The following RASEF variants were observed in gnomAD, a reference collection of about 807,000 sequenced individuals.
RASEF encodes the protein ras and EF-hand domain-containing protein.
A neutral mutation model predicts 90.1 loss-of-function variants in RASEF; 68 were observed. That is an observed-to-expected ratio of 0.75 (90% CI 0.62 to 0.92). The LOEUF (loss-of-function observed/expected upper bound fraction) is 0.92. RASEF is among the 40% of genes least tolerant of loss of function. The pLI, the probability that RASEF is intolerant of heterozygous loss-of-function variation, is 0.00. For missense variants in RASEF, 949 were observed against 937.2 expected, an observed-to-expected ratio of 1.01 and a Z score of -0.16; for synonymous variants, 331 against 345.2, an observed-to-expected ratio of 0.96 and a Z score of 0.46.
At chr9:83,047,230 A>G (rs911956442) in intron 1 of RASEF, among the ~76,000 whole-genome samples, 22 of 152,212 alleles carry the variant, frequency 1.4e-4, no homozygotes, top group African/African-American at 5.3e-4. Context: ...CATTTAAGGA[A>G]CAAAGCTTGA....
intron 16 of RASEF, 28 bp from the exon 17 acceptor site, chr9:82,982,810 A>C (rs775157398): frequency 2.3e-6 from 1 of 427,838 alleles, no homozygotes; most frequent in South Asian, 3.6e-5. Context: ...AGAGACAGAG[A>C]GAGAGAGAGA....
At chr9:83,134,355 T>A in the RASEF span, among the ~76,000 whole-genome samples, 1 of 151,050 alleles carries the variant, frequency 6.6e-6, no homozygotes, top group Non-Finnish European at 1.5e-5. Flanking sequence ...TCACACTGAT[T>A]GCGAACAGAT....
chr9:83,154,205 A>G, the RASEF span, among the ~76,000 whole-genome samples: 1 of 152,156 alleles, frequency 6.6e-6, no homozygotes, highest in African/African-American at 2.4e-5. Context: ...AAAAATGAGG[A>G]CAATACCTGC....
At chr9:83,102,446 G>A in the RASEF span, among the ~76,000 whole-genome samples, 44 of 152,296 alleles carry the variant, frequency 2.9e-4, no homozygotes, top group African/African-American at 5.5e-4. Context: ...TGTTGCTGCC[G>A]TACACATGTC....
intron 1 of RASEF, chr9:83,055,251 G>A (rs368016216): frequency 2.3e-5 from 7 of 305,588 alleles, no homozygotes; most frequent in Non-Finnish European, 3.8e-5. Context: ...CTTGTGGTGC[G>A]CCGTTTCTTA....
chr9:83,159,054 C>T, the RASEF span, among the ~76,000 whole-genome samples: 5 of 151,916 alleles, frequency 3.3e-5, no homozygotes, highest in Non-Finnish European at 5.9e-5. Flanking sequence ...GGCGTGGTGG[C>T]AGGTGCCTGT....
chr9:83,108,167 T>G, the RASEF span, among the ~76,000 whole-genome samples: 1 of 152,078 alleles, frequency 6.6e-6, no homozygotes, highest in African/African-American at 2.4e-5. Context: ...TTTACATGGG[T>G]GTATGTATGT....
At chr9:83,032,871 T>C (rs1320973684) in intron 1 of RASEF, among the ~76,000 whole-genome samples, 1 of 152,198 alleles carries the variant, frequency 6.6e-6, no homozygotes, top group Non-Finnish European at 1.5e-5. Flanking sequence ...ATTACATATA[T>C]ATTTATGTTT....
the RASEF span, among the ~76,000 whole-genome samples, chr9:83,107,506 T>C: frequency 3.3e-5 from 5 of 152,328 alleles, no homozygotes; most frequent in East Asian, 7.7e-4. Context: ...CTGTTTTCTA[T>C]TTCCATTTTC....
At chr9:83,206,303 C>A in the RASEF span, among the ~76,000 whole-genome samples, 1 of 152,104 alleles carries the variant, frequency 6.6e-6, no homozygotes, top group Non-Finnish European at 1.5e-5. Flanking sequence ...AGGAATTAAT[C>A]TTTGTTTTTA....
At chr9:83,186,500 C>G in the RASEF span, among the ~76,000 whole-genome samples, 1 of 152,250 alleles carries the variant, frequency 6.6e-6, no homozygotes, top group South Asian at 2.1e-4. Context: ...CAGCAAGCCC[C>G]CAGCCTCCTC....
At chr9:83,199,555 A>C in the RASEF span, among the ~76,000 whole-genome samples, 1 of 152,144 alleles carries the variant, frequency 6.6e-6, no homozygotes, top group Admixed American at 6.5e-5. Context: ...ACGCCAACAA[A>C]ATGCACTTCT....
the RASEF span, among the ~76,000 whole-genome samples, chr9:83,094,145 T>C: frequency 6.6e-6 from 1 of 151,788 alleles, no homozygotes; most frequent in East Asian, 1.9e-4. Context: ...AAACATACTA[T>C]CATGAGATGC....
At chr9:83,074,416 G>A in the RASEF span, among the ~76,000 whole-genome samples, 1 of 152,122 alleles carries the variant, frequency 6.6e-6, no homozygotes, top group Non-Finnish European at 1.5e-5. Flanking sequence ...TTTAGTGAGG[G>A]GATGTTGAGA....
the RASEF span, among the ~76,000 whole-genome samples, chr9:83,092,717 T>C: frequency 5.3e-5 from 8 of 152,138 alleles, no homozygotes; most frequent in African/African-American, 1.9e-4. Flanking sequence ...CCTGCTTTTA[T>C]TTTCTTATCT....
At chr9:83,207,339 G>C in the RASEF span, among the ~76,000 whole-genome samples, 5 of 152,170 alleles carry the variant, frequency 3.3e-5, no homozygotes, top group Admixed American at 2.6e-4. Context: ...TTATTTCCTT[G>C]GGTCTCCGCT....
At chr9:83,155,815 C>T in the RASEF span, among the ~76,000 whole-genome samples, 2 of 152,220 alleles carry the variant, frequency 1.3e-5, no homozygotes, top group Non-Finnish European at 1.5e-5. Context: ...TTCACTGCAA[C>T]AGTCATACAA....
the RASEF span, among the ~76,000 whole-genome samples, chr9:83,089,568 TC>T: frequency 1.3e-5 from 2 of 152,196 alleles, no homozygotes; most frequent in Non-Finnish European, 2.9e-5. Flanking sequence ...AGTCTGTCGA[TC>T]TTTTTCTATC....
chr9:83,164,347 G>GTGTGTGTATATATATATATATATATA, the RASEF span, among the ~76,000 whole-genome samples: 1 of 129,986 alleles, frequency 7.7e-6, no homozygotes, highest in African/African-American at 2.8e-5. Flanking sequence ...GTATATGTGT[G>GTGTGTGTATATATATATATATATATA]TATATATATA....
Sources: gnomAD v4.1 joint callset for allele counts (sites outside exome capture counted in the v4.1 genomes callset) on GRCh38, gnomAD v4.1.1 for gene constraint, MANE v1.5 for transcripts, NCBI Gene and HGNC (gene_info 2026-07-23, HGNC 2026-07-21) for gene names.